The following DNMT3A variants were observed in gnomAD, a reference collection of about 807,000 sequenced individuals.
DNMT3A encodes DNA (cytosine-5)-methyltransferase 3A.
In DNMT3A, 267 loss-of-function variants were observed where a neutral mutation model predicts 117.6. The observed-to-expected ratio is 2.27, with a 90% CI of 2.05 to 2.51. DNMT3A has a LOEUF of 2.51. Ranked by LOEUF, DNMT3A falls within the 30% of genes most tolerant of loss-of-function variation. The probability of loss-of-function intolerance (pLI) is 0.00; values close to 1 mark genes in which losing one functional copy is unlikely to be tolerated. For missense variants in DNMT3A, 1,029 were observed against 1,260.2 expected, an observed-to-expected ratio of 0.82 and a Z score of 2.78; for synonymous variants, 432 against 474.8, an observed-to-expected ratio of 0.91 and a Z score of 1.17.
At chr2:25,329,073 C>G (rs1052253817) in intron 1 of DNMT3A, among the ~76,000 whole-genome samples, 5 of 152,232 alleles carry the variant, frequency 3.3e-5, no homozygotes, top group Admixed American at 3.3e-4. Context: ...CCACCCCAAC[C>G]AATTCAGCAG....
At chr2:25,330,721 C>A (rs2034986734) in intron 1 of DNMT3A, among the ~76,000 whole-genome samples, 1 of 152,200 alleles carries the variant, frequency 6.6e-6, no homozygotes, top group Admixed American at 6.5e-5. Flanking sequence ...AGCTGTGGTC[C>A]CACTGGGTCC....
rs1420622052 is a variant in DNMT3A, at chr2:25,233,173, G to A, written c.*1106C>T. 4.3e-6 allele frequency: 1 copy of A among 233,694 alleles called. No individual in the cohort carries two copies. The highest frequency in any genetic ancestry group is 8.5e-6 in the Non-Finnish European group (1 of 118,054). 14.5% of individuals were successfully genotyped at this position (233,694 alleles called of 1,614,324 possible). ...AAACAATCAAAGGGTTATTGCATGA[G>A]TCTGGATGAATCCCACTCTCAGCTG... On this transcript the variant is annotated 3_prime_UTR_variant, in exon 23 of 23. Coordinates refer to ENST00000321117, the MANE Select transcript of DNMT3A (RefSeq NM_022552.5).
intron 16 of DNMT3A, among the ~76,000 whole-genome samples, chr2:25,242,178 A>G (rs1366585326): frequency 6.6e-6 from 1 of 151,760 alleles, no homozygotes; most frequent in Non-Finnish European, 1.5e-5. Flanking sequence ...CCCCTCCGCT[A>G]TGAGTCCCCA....
intron 1 of DNMT3A, among the ~76,000 whole-genome samples, chr2:25,341,219 G>T (rs1159159284): frequency 6.9e-6 from 1 of 144,966 alleles, no homozygotes; most frequent in East Asian, 2.0e-4. Flanking sequence ...GCGCCGGGGG[G>T]AGGGGCGGGG....
In DNMT3A at chr2:25,327,098, C is replaced by T. The variant is rs2034816527; in HGVS notation, c.-177-12937G>A. Among the ~76,000 whole-genome samples the T allele has an allele frequency of 6.6e-6, 1 of 150,644 alleles. No homozygotes were observed. The highest frequency in any genetic ancestry group is 1.5e-5 in the Non-Finnish European group (1 of 67,448). On this transcript the variant is annotated intron_variant, in intron 1 of 22. Transcript: ENST00000321117. The surrounding 1 kb of genome is among the most constrained non-coding windows in gnomAD (Gnocchi z 4.1). ...TGTGGATCTCAACCCTGCGGGGCCT[C>T]TTCCTTGGGCACTCTGTGGCAACCC...
chr2:25,251,814 A>ACC (rs1229236830), intron 6 of DNMT3A: 1 of 303,988 alleles, frequency 3.3e-6, no homozygotes, highest in Non-Finnish European at 6.1e-6. Flanking sequence ...AACGCAGGTC[A>ACC]CCAGGGAAGT....
rs1673373128 is a variant in DNMT3A at position 25,236,370 on chromosome 2, A to G, written c.2479-545T>C. Among the ~76,000 whole-genome samples, 1 of 152,224 alleles carries G rather than the reference A, an allele frequency of 6.6e-6. No individual in the cohort carries two copies. Among genetic ancestry groups the G allele is most frequent in the African/African-American group, 2.4e-5 (1 of 41,468 alleles). On this transcript the variant is annotated intron_variant, in intron 21 of 22. Transcript: ENST00000321117. This position sits in a 1 kb window ranked among gnomAD's most constrained non-coding sequence, Gnocchi z 4.5. ...GTGAGCCACCGCACCCGGCCTAGCC[A>G]CAGACTTTAGAAGTAGAAGCTGTAG...
rs2035344726 is a variant in DNMT3A at position 25,339,861 on chromosome 2, G to A, written c.-178+1965C>T. Among the ~76,000 whole-genome samples the A allele has an allele frequency of 6.6e-6, 1 of 152,268 alleles. No individual in the cohort carries two copies. Among genetic ancestry groups the A allele is most frequent in the Non-Finnish European group, 1.5e-5 (1 of 68,042 alleles). ...AAGGCGAATAGCTCCCCTGGCTGCA[G>A]CTGTCACATCTGCCCGCGAGGGAGG... On this transcript the variant is annotated intron_variant, in intron 1 of 22. Transcript: ENST00000321117. The surrounding 1 kb of genome is among the most constrained non-coding windows in gnomAD (Gnocchi z 4.9).
At chr2:25,274,258 G>A (rs918924666) in intron 6 of DNMT3A, among the ~76,000 whole-genome samples, 2 of 152,160 alleles carry the variant, frequency 1.3e-5, no homozygotes, top group Admixed American at 1.3e-4. Flanking sequence ...AGCTATTCTA[G>A]CTCCAAAATA....
rs559566601 is a variant in DNMT3A at position 25,257,902 on chromosome 2, C to A, written c.640-9650G>T. 1.9e-4 allele frequency among the ~76,000 whole-genome samples: 29 copies of A among 152,284 alleles called. No individual in the cohort carries two copies. Among genetic ancestry groups the A allele is most frequent in the Admixed American group, 1.6e-3 (24 of 15,288 alleles). On this transcript the variant is annotated intron_variant, in intron 6 of 22. Coordinates refer to ENST00000321117, the MANE Select transcript of DNMT3A (RefSeq NM_022552.5). The surrounding 1 kb of genome is among the most constrained non-coding windows in gnomAD (Gnocchi z 4.8). ...ACACTGAGGCCTAGAGAGGCCCGAG[C>A]CCACCTGAAAGGTCAGAGCAATTCA...
chr2:25,237,108 AG>A lies in DNMT3A; in HGVS notation c.2409-104del, dbSNP rs1271882263. 1 of 1,171,522 alleles carries A rather than the reference AG, an allele frequency of 8.5e-7. No individual in the cohort carries two copies. The highest frequency in any genetic ancestry group is 1.2e-6 in the Non-Finnish European group (1 of 813,360). The allele number at this position is 1,171,522 out of a possible 1,614,324, so 72.6% of individuals were successfully genotyped here. Reference sequence around the variant, plus strand: ...CCTCCCCCAGCAGCCACTAGTTCACAGGGTAAGAGCCCCTTCCCCAAATCAC... The same window carrying A: ...CCTCCCCCAGCAGCCACTAGTTCACAGGTAAGAGCCCCTTCCCCAAATCAC... On this transcript the variant is annotated intron_variant, in intron 20 of 22. Transcript: ENST00000321117. This position sits in a 1 kb window ranked among gnomAD's most constrained non-coding sequence, Gnocchi z 5.4.
intron 6 of DNMT3A, among the ~76,000 whole-genome samples, chr2:25,250,082 G>A (rs927898293): frequency 2.7e-5 from 4 of 148,344 alleles, no homozygotes; most frequent in Admixed American, 2.0e-4. Context: ...GCACCTGAAC[G>A]GAAGGATTTC....
intron 3 of DNMT3A, among the ~76,000 whole-genome samples, chr2:25,284,645 T>TAAAAAAAAAA (rs56901099): frequency 3.6e-4 from 6 of 16,646 alleles, no homozygotes; most frequent in African/African-American, 2.5e-3. Flanking sequence ...AGACTCCATC[T>TAAAAAAAAAA]AAAAAAAAAA....
chr2:25,342,145 C>T (rs2035488681), upstream of DNMT3A, among the ~76,000 whole-genome samples: 1 of 144,900 alleles, frequency 6.9e-6, no homozygotes, highest in Non-Finnish European at 1.5e-5. This position sits in a 1 kb window ranked among gnomAD's most constrained non-coding sequence, Gnocchi z 5.9. Context: ...CGCTGCGGAG[C>T]CGGCCCGGGA....
intron 6 of DNMT3A, among the ~76,000 whole-genome samples, chr2:25,263,105 A>C (rs1676752422): frequency 6.6e-6 from 1 of 151,976 alleles, no homozygotes; most frequent in Admixed American, 6.6e-5. Context: ...CAGCTAATTA[A>C]ATATTTTTTT....
intron 1 of DNMT3A, among the ~76,000 whole-genome samples, chr2:25,336,856 C>T (rs1040176815): frequency 3.3e-5 from 5 of 152,158 alleles, no homozygotes; most frequent in South Asian, 2.1e-4. Context: ...TGCTCTGGGG[C>T]GCTTCTGAGA....
At position 25,274,344 on chromosome 2, in the gene DNMT3A, C is replaced by CTA. The variant is rs2031208573; in HGVS notation, c.639+595_639+596dup. Among the ~76,000 whole-genome samples, 3 of 152,258 alleles carry CTA rather than the reference C, an allele frequency of 2.0e-5. No individual in the cohort carries two copies. The South Asian group carries it at 6.2e-4, about 31-fold the overall frequency. Reference sequence around the variant, plus strand: ...CATCCTTCCTGTGCACAGAAACCTTCTATGGCTGCCCAGTATTGTCAGAAG... The same window carrying CTA: ...CATCCTTCCTGTGCACAGAAACCTTCTATATGGCTGCCCAGTATTGTCAGAAG... On this transcript the variant is annotated intron_variant, in intron 6 of 22. Transcript: ENST00000321117.
At chr2:25,315,926 T>G (rs71439166) in intron 1 of DNMT3A, among the ~76,000 whole-genome samples, 5,613 of 151,832 alleles carry the variant, frequency 0.037, 147 homozygotes, top group South Asian at 0.09. Context: ...AGGGGCAGAG[T>G]CTGATTGGAA....
intron 6 of DNMT3A, among the ~76,000 whole-genome samples, chr2:25,269,661 G>C (rs1315579499): frequency 1.3e-5 from 2 of 152,132 alleles, no homozygotes; most frequent in Non-Finnish European, 2.9e-5. Context: ...GAGGTTCTAT[G>C]GCAGGGTGTG....
Sources: gnomAD v4.1 joint callset for allele counts (sites outside exome capture counted in the v4.1 genomes callset) on GRCh38, gnomAD v4.1.1 for gene constraint, Gnocchi (gnomAD v3.1) non-coding constraint, MANE v1.5 for transcripts, NCBI Gene and HGNC (gene_info 2026-07-23, HGNC 2026-07-21) for gene names.